The following SCML4 variants were observed in gnomAD, a reference collection of about 807,000 sequenced individuals.
The protein encoded by SCML4 is Scm polycomb group protein like 4.
Under a neutral mutation model 41.1 loss-of-function variants are expected in SCML4, and 34 were observed. The ratio of observed to expected loss-of-function variants is 0.83; its 90% CI spans 0.63 to 1.10. The LOEUF is 1.10. SCML4 is among the 50% of genes least tolerant of loss of function. The pLI is 0.00. For synonymous variants in SCML4, 214 were observed against 220.9 expected (o/e 0.97, Z 0.28); for missense variants, 522 against 534.1 (o/e 0.98, Z 0.22).
intron 5 of SCML4, among the ~76,000 whole-genome samples, chr6:107,727,735 G>T (rs1053858818): frequency 6.6e-6 from 1 of 152,238 alleles, no homozygotes; most frequent in African/African-American, 2.4e-5. Flanking sequence ...TATATACTAG[G>T]CTGCTTTCTG....
the SCML4 span, among the ~76,000 whole-genome samples, chr6:107,839,385 G>A: frequency 1.4e-5 from 2 of 141,514 alleles, no homozygotes; most frequent in Non-Finnish European, 3.0e-5. Context: ...AAGAAAGAAA[G>A]AAAGAAAGAA....
Position 107,720,711 on chromosome 6 carries a change from T to C in SCML4, c.965A>G (p.Asn322Ser), listed in dbSNP as rs150790809. The change falls in exon 6 of 8, where the codon AAC (asparagine) becomes AGC (serine). Residue 322 changes from asparagine to serine, a missense_variant. Transcript: ENST00000369020. ...PKRNTTSLEG[N>S]RCASSPSQDA... ...TGCATGCATTACATTACCACATCTG[T>C]TTCCTTCAAGAGAGGTCGTGTTTCT... The C allele has an allele frequency of 6.4e-7, 1 of 1,553,854 alleles. No individual in the cohort carries two copies. Among genetic ancestry groups the C allele is most frequent in the Non-Finnish European group, 8.7e-7 (1 of 1,153,438 alleles).
At chr6:107,833,095 A>G in the SCML4 span, among the ~76,000 whole-genome samples, 1 of 152,188 alleles carries the variant, frequency 6.6e-6, no homozygotes, top group Admixed American at 6.5e-5. Context: ...AAGAGGCAGA[A>G]AGCTGGCTAT....
At chr6:107,795,623 G>A (rs1193286384) in intron 1 of SCML4, among the ~76,000 whole-genome samples, 1 of 152,096 alleles carries the variant, frequency 6.6e-6, no homozygotes, top group Non-Finnish European at 1.5e-5. Flanking sequence ...CACTTCCCGG[G>A]TTCAAGTGAT....
intron 1 of SCML4, among the ~76,000 whole-genome samples, chr6:107,774,637 G>A (rs1780777810): frequency 1.3e-5 from 2 of 151,834 alleles, no homozygotes; most frequent in Non-Finnish European, 2.9e-5. Flanking sequence ...TTCCTAGTTT[G>A]GGACATGCTT....
At chr6:107,839,341 A>AG in the SCML4 span, among the ~76,000 whole-genome samples, 272 of 12,890 alleles carry the variant, frequency 0.021, 2 homozygotes, top group South Asian at 0.093. Flanking sequence ...GAGAGAGAGA[A>AG]AAAGAAAGAA....
chr6:107,728,564 G>A (rs1014574101), intron 5 of SCML4, among the ~76,000 whole-genome samples: 2 of 152,144 alleles, frequency 1.3e-5, no homozygotes, highest in African/African-American at 4.8e-5. Flanking sequence ...AGCTGAGGTT[G>A]CATCACTGCA....
intron 2 of SCML4, among the ~76,000 whole-genome samples, chr6:107,764,291 G>T (rs1779860791): frequency 6.6e-6 from 1 of 152,190 alleles, no homozygotes; most frequent in African/African-American, 2.4e-5. Context: ...TGGCCTTGAG[G>T]CCTGCTTTGG....
At position 107,705,025 on chromosome 6, in the gene SCML4, C is replaced by G; in HGVS notation, c.*175G>C. On this transcript the variant is annotated 3_prime_UTR_variant, in exon 8 of 8. Coordinates refer to ENST00000369020, the MANE Select transcript of SCML4 (RefSeq NM_198081.5). ...ACACAGAGGAGCCTCTCGAAAAGGT[C>G]CATGTTAAATTCTTCAAAAGGCAAA... 1.4e-6 allele frequency: 1 copy of G among 694,772 alleles called. No homozygotes were observed. 43.0% of individuals were successfully genotyped at this position (694,772 alleles called of 1,614,324 possible).
At chr6:107,803,469 G>A (rs1272995066) in intron 1 of SCML4, among the ~76,000 whole-genome samples, 4 of 149,630 alleles carry the variant, frequency 2.7e-5, no homozygotes, top group South Asian at 4.2e-4. Flanking sequence ...GGTCCGGGAG[G>A]TGAGGGGCGC....
At chr6:107,816,580 T>A (rs952550101) in intron 1 of SCML4, among the ~76,000 whole-genome samples, 1 of 152,188 alleles carries the variant, frequency 6.6e-6, no homozygotes, top group Non-Finnish European at 1.5e-5. Context: ...GGTAGGAAAC[T>A]GCTAACAACT....
At chr6:107,774,824 C>A (rs1780793720) in intron 1 of SCML4, among the ~76,000 whole-genome samples, 1 of 151,914 alleles carries the variant, frequency 6.6e-6, no homozygotes, top group Non-Finnish European at 1.5e-5. Flanking sequence ...GAGTTCCAGA[C>A]CAGCCTGGCC....
At chr6:107,706,153 A>T (rs2114328819) in intron 7 of SCML4, among the ~76,000 whole-genome samples, 1 of 152,292 alleles carries the variant, frequency 6.6e-6, no homozygotes, top group East Asian at 1.9e-4. Context: ...CCAGCCAGCC[A>T]GTATTGATGG....
chr6:107,843,635 A>C, the SCML4 span, among the ~76,000 whole-genome samples: 1 of 152,128 alleles, frequency 6.6e-6, no homozygotes, highest in African/African-American at 2.4e-5. Context: ...TGCCGGTAAC[A>C]TTTGTGCTGT....
At chr6:107,799,507 G>A (rs1278593224) in intron 1 of SCML4, among the ~76,000 whole-genome samples, 1 of 152,058 alleles carries the variant, frequency 6.6e-6, no homozygotes, top group Non-Finnish European at 1.5e-5. Flanking sequence ...TTGTTATTCA[G>A]TCTGATAATC....
At chr6:107,787,609 A>G (rs1161355591) in intron 1 of SCML4, among the ~76,000 whole-genome samples, 3 of 152,340 alleles carry the variant, frequency 2.0e-5, no homozygotes, top group Non-Finnish European at 4.4e-5. Flanking sequence ...TCTTTTCAAG[A>G]TGATTTTTTG....
intron 1 of SCML4, among the ~76,000 whole-genome samples, chr6:107,778,223 ATATATATATATATATAT>A (rs1320286514): frequency 0.028 from 88 of 3,134 alleles, 4 homozygotes; most frequent in East Asian, 0.059. Context: ...AAAAAAAAAA[ATATATATATATATATAT>A]ATATATATAT....
In SCML4 at chr6:107,803,739, T is replaced by A. The variant is rs571129821; in HGVS notation, c.-60+20387A>T. On this transcript the variant is annotated intron_variant, in intron 1 of 7. Coordinates refer to ENST00000369020, the MANE Select transcript of SCML4 (RefSeq NM_198081.5). ...CTTCTGCCTTGGGATCCTGTTGATC[T>A]GTGACCTTACCCCCAACCCTGTGCT... 7.4e-4 allele frequency among the ~76,000 whole-genome samples: 111 copies of A among 150,158 alleles called. 1 individual carries two copies. Among genetic ancestry groups the A allele is most frequent in the Admixed American group, 3.0e-3 (46 of 15,186 alleles).
intron 5 of SCML4, among the ~76,000 whole-genome samples, chr6:107,727,602 G>T (rs552748391): frequency 2.0e-5 from 3 of 152,284 alleles, no homozygotes; most frequent in Admixed American, 6.5e-5. Flanking sequence ...CCAATGAAGT[G>T]CTGCGAGATG....
Sources: allele counts gnomAD v4.1 joint callset (sites outside exome capture counted in the v4.1 genomes callset), GRCh38; gene constraint gnomAD v4.1.1; transcripts MANE v1.5; gene names NCBI Gene and HGNC (gene_info 2026-07-23, HGNC 2026-07-21).